The following ELAVL2 variants were observed in gnomAD, a reference collection of about 807,000 sequenced individuals.
The protein encoded by ELAVL2 is ELAV-like protein 2.
ELAVL2 carries 4 observed loss-of-function variants against 34.6 expected under a neutral mutation model. The ratio of observed to expected loss-of-function variants is 0.12; its 90% CI spans 0.06 to 0.26. The LOEUF is 0.26. Ranked by LOEUF, ELAVL2 falls within the 10% of genes least tolerant of loss-of-function variation. ELAVL2 has a pLI of 1.00. For synonymous variants in ELAVL2, 193 were observed against 154.8 expected (o/e 1.25, Z -1.83); for missense variants, 432 against 442.8 (o/e 0.98, Z 0.22).
intron 1 of ELAVL2, among the ~76,000 whole-genome samples, chr9:23,817,256 G>A (rs1431673276): frequency 1.3e-5 from 2 of 150,448 alleles, no homozygotes; most frequent in Non-Finnish European, 3.0e-5. Flanking sequence ...TTAAAAAAAA[G>A]ACACTGTAAG....
chr9:23,849,426 A>T, the ELAVL2 span: 1 of 152,374 alleles, frequency 6.6e-6, no homozygotes, highest in African/African-American at 2.4e-5. Flanking sequence ...TACCTGAGGA[A>T]GTGTGAGGAA....
intron 1 of ELAVL2, among the ~76,000 whole-genome samples, chr9:23,775,667 C>A (rs184345391): frequency 1.3e-5 from 2 of 152,246 alleles, no homozygotes; most frequent in African/African-American, 4.8e-5. Flanking sequence ...CATCTCAGCT[C>A]CCTAGTGAGG....
intron 3 of ELAVL2, among the ~76,000 whole-genome samples, chr9:23,714,290 T>C: frequency 6.6e-6 from 1 of 152,160 alleles, no homozygotes; most frequent in East Asian, 1.9e-4. Context: ...GGAGGAGACG[T>C]GGCACAAGAA....
At chr9:23,801,544 C>T (rs779293756) in intron 1 of ELAVL2, among the ~76,000 whole-genome samples, 2 of 152,110 alleles carry the variant, frequency 1.3e-5, no homozygotes, top group Non-Finnish European at 2.9e-5. Context: ...AATGATCTCA[C>T]CAACAGAAGT....
intron 3 of ELAVL2, among the ~76,000 whole-genome samples, chr9:23,707,844 AG>A (rs1348745532): frequency 6.6e-6 from 1 of 152,194 alleles, no homozygotes; most frequent in Non-Finnish European, 1.5e-5. Context: ...GTAAATGCCC[AG>A]CCCCTTAAAG....
At chr9:23,732,291 T>C (rs547970402) in intron 2 of ELAVL2, among the ~76,000 whole-genome samples, 25 of 152,308 alleles carry the variant, frequency 1.6e-4, no homozygotes, top group African/African-American at 6.0e-4. Context: ...GGATACTTGT[T>C]ACCACATAAA....
chr9:23,808,794 A>G (rs941193349), intron 1 of ELAVL2, among the ~76,000 whole-genome samples: 3 of 152,166 alleles, frequency 2.0e-5, no homozygotes, highest in Non-Finnish European at 4.4e-5. Flanking sequence ...GCCATAATGA[A>G]AAATTCCTTA....
At chr9:23,749,623 G>A (rs754202312) in intron 2 of ELAVL2, among the ~76,000 whole-genome samples, 8 of 152,086 alleles carry the variant, frequency 5.3e-5, no homozygotes, top group Non-Finnish European at 1.0e-4. Flanking sequence ...TTCAGTCTTT[G>A]TTTAAAGGGA....
At chr9:23,787,783 G>A (rs2059873447) in intron 1 of ELAVL2, among the ~76,000 whole-genome samples, 1 of 152,150 alleles carries the variant, frequency 6.6e-6, no homozygotes, top group African/African-American at 2.4e-5. Context: ...TAATCTGCAA[G>A]CAAGGATGAG....
intron 3 of ELAVL2, among the ~76,000 whole-genome samples, chr9:23,729,023 G>A (rs375616415): frequency 4.6e-5 from 7 of 152,238 alleles, no homozygotes; most frequent in African/African-American, 1.7e-4. Flanking sequence ...TTCAGCCCAA[G>A]CAGCTGGGCC....
chr9:23,727,629 C>T (rs896797024), intron 3 of ELAVL2, among the ~76,000 whole-genome samples: 8 of 152,010 alleles, frequency 5.3e-5, no homozygotes, highest in African/African-American at 1.9e-4. Flanking sequence ...GGAATCTCAC[C>T]TGTGGACAGG....
At chr9:23,811,453 T>G (rs1392530842) in intron 1 of ELAVL2, among the ~76,000 whole-genome samples, 1 of 152,014 alleles carries the variant, frequency 6.6e-6, no homozygotes, top group East Asian at 1.9e-4. Flanking sequence ...AGACAACACA[T>G]GCTCCTGGAA....
At position 23,778,934 on chromosome 9, in the gene ELAVL2, G is replaced by GTA. The variant is rs148790648; in HGVS notation, c.-15-16687_-15-16686dup. ...AGTCATCCTGTCCACAAAGAATTAGGTATATCCTGTCCCTTCTGGGGGCTG... is the reference window on the plus strand; with the variant it reads ...AGTCATCCTGTCCACAAAGAATTAGGTATATATCCTGTCCCTTCTGGGGGCTG... On this transcript the variant is annotated intron_variant, in intron 1 of 6. Transcript: ENST00000397312. Among the ~76,000 whole-genome samples, 13 of 152,212 alleles carry GTA rather than the reference G, an allele frequency of 8.5e-5. No homozygotes were observed. The East Asian group carries it at 2.1e-3, about 25-fold the overall frequency.
chr9:23,794,379 A>T (rs1408098817), intron 1 of ELAVL2, among the ~76,000 whole-genome samples: 1 of 152,170 alleles, frequency 6.6e-6, no homozygotes. Context: ...CACTTTCTAC[A>T]ACAGATTGAC....
intron 2 of ELAVL2, among the ~76,000 whole-genome samples, chr9:23,740,648 G>GA (rs907721621): frequency 9.7e-4 from 143 of 147,030 alleles, no homozygotes; most frequent in Non-Finnish European, 1.4e-3. Flanking sequence ...ATCTGTGAAA[G>GA]AAAAAAAAAA....
intron 2 of ELAVL2, among the ~76,000 whole-genome samples, chr9:23,738,583 A>G (rs2048427663): frequency 6.6e-6 from 1 of 152,160 alleles, no homozygotes; most frequent in Non-Finnish European, 1.5e-5. Flanking sequence ...CTCACATAAT[A>G]CAGAAAACAG....
chr9:23,801,234 A>G (rs1588639597), intron 1 of ELAVL2, among the ~76,000 whole-genome samples: 1 of 152,228 alleles, frequency 6.6e-6, no homozygotes, highest in East Asian at 1.9e-4. Context: ...CATTACTGGA[A>G]ATAGGCTCAA....
At chr9:23,818,644 A>G (rs2064073749) in intron 1 of ELAVL2, among the ~76,000 whole-genome samples, 2 of 152,168 alleles carry the variant, frequency 1.3e-5, no homozygotes, top group South Asian at 4.1e-4. Context: ...AAGTAACCAA[A>G]CCAAGCTAAG....
chr9:23,809,128 C>G (rs559647679), intron 1 of ELAVL2, among the ~76,000 whole-genome samples: 137 of 152,266 alleles, frequency 9.0e-4, no homozygotes, highest in African/African-American at 3.2e-3. Context: ...CTAACCAGTA[C>G]GGAGCAGCCT....
Sources: gnomAD v4.1 joint callset for allele counts (sites outside exome capture counted in the v4.1 genomes callset) on GRCh38, gnomAD v4.1.1 for gene constraint, MANE v1.5 for transcripts, NCBI Gene and HGNC (gene_info 2026-07-23, HGNC 2026-07-21) for gene names.